Variants in DTNA observed in about 807,000 individuals in gnomAD.
DTNA encodes dystrobrevin alpha.
Under a neutral mutation model 100.7 loss-of-function variants are expected in DTNA, and 43 were observed. The ratio of observed to expected loss-of-function variants is 0.43; its 90% CI spans 0.33 to 0.55. The LOEUF is 0.55. Ranked by LOEUF, DTNA falls within the 20% of genes least tolerant of loss-of-function variation. DTNA has a pLI of 0.04. For synonymous variants in DTNA, 349 were observed against 347.9 expected (o/e 1.00, Z -0.04); for missense variants, 798 against 953.9 (o/e 0.84, Z 2.15).
chr18:34,862,292 C>G (rs2096639647), intron 16 of DTNA, among the ~76,000 whole-genome samples: 1 of 151,754 alleles, frequency 6.6e-6, no homozygotes, highest in African/African-American at 2.4e-5. Context: ...GTTTCTCATC[C>G]TCTGGATTCA....
At chr18:34,570,816 T>A (rs1207453236) in intron 1 of DTNA, among the ~76,000 whole-genome samples, 1 of 152,142 alleles carries the variant, frequency 6.6e-6, no homozygotes, top group Non-Finnish European at 1.5e-5. Flanking sequence ...AAATTTTGGG[T>A]ACCTCTATGT....
chr18:34,690,252 T>C (rs561543297), intron 1 of DTNA, among the ~76,000 whole-genome samples: 81 of 152,326 alleles, frequency 5.3e-4, no homozygotes, highest in African/African-American at 1.8e-3. Flanking sequence ...CATTTTGTGC[T>C]TGAAACCCAG....
In DTNA at chr18:34,594,249, G is replaced by A. The variant is rs927984750; in HGVS notation, c.-2+100735G>A. Among the ~76,000 whole-genome samples the A allele has an allele frequency of 1.2e-4, 18 of 152,086 alleles. 1 individual carries two copies. Among genetic ancestry groups the A allele is most frequent in the Middle Eastern group, 6.9e-3 (2 of 288 alleles). On this transcript the variant is annotated intron_variant, in intron 1 of 19. Coordinates refer to the DTNA transcript ENST00000283365. ...AGAGTTGTCTGATTTTGCTATTGTC[G>A]CACTGTTTTAGGACTTCAAACTTCT...
chr18:34,614,190 A>G lies in DTNA; in HGVS notation c.-2+120676A>G, dbSNP rs970913416. On this transcript the variant is annotated intron_variant, in intron 1 of 19. Coordinates refer to the DTNA transcript ENST00000283365. ...CATGGTTTCCTGAATTTTTAAAAAT[A>G]TTTTAAGCCCACTATTGAGACTTAC... Among the ~76,000 whole-genome samples, 6 of 152,306 alleles carry G rather than the reference A, an allele frequency of 3.9e-5. No homozygotes were observed. In the South Asian group the frequency reaches 1.0e-3, roughly 26 times the overall value.
chr18:34,793,950 G>GA, intron 3 of DTNA, 87 bp from the exon 4 acceptor site: 4 of 1,419,484 alleles, frequency 2.8e-6, no homozygotes, highest in Non-Finnish European at 3.9e-6. Flanking sequence ...GAGATACCTA[G>GA]AAAAAAACAG....
intron 1 of DTNA, among the ~76,000 whole-genome samples, chr18:34,535,924 A>G (rs1393368373): frequency 6.6e-6 from 1 of 152,050 alleles, no homozygotes; most frequent in African/African-American, 2.4e-5. Flanking sequence ...TTTAGAGAGT[A>G]AAACTGTCTT....
At chr18:34,793,379 C>G (rs968346168) in intron 3 of DTNA, among the ~76,000 whole-genome samples, 1 of 152,162 alleles carries the variant, frequency 6.6e-6, no homozygotes, top group African/African-American at 2.4e-5. Context: ...AATAATGTAG[C>G]CAAGAAACTT....
At chr18:34,555,577 C>T (rs1222683385) in intron 1 of DTNA, among the ~76,000 whole-genome samples, 3 of 152,016 alleles carry the variant, frequency 2.0e-5, no homozygotes, top group African/African-American at 7.3e-5. Context: ...TGTGTTGTGT[C>T]TTTGTTCTCG....
intron 10 of DTNA, chr18:34,829,013 T>C (rs375253526): frequency 4.3e-6 from 7 of 1,613,918 alleles, no homozygotes; most frequent in South Asian, 1.1e-5. Flanking sequence ...ACCCCATCCT[T>C]ACTGAAGGTC....
intron 1 of DTNA, among the ~76,000 whole-genome samples, chr18:34,631,164 G>A (rs747724782): frequency 5.9e-5 from 9 of 152,264 alleles, no homozygotes; most frequent in Admixed American, 2.0e-4. Context: ...TAAAGCACAC[G>A]TAGCGCTTGG....
chr18:34,877,438 A>G (rs1199391044), intron 18 of DTNA, among the ~76,000 whole-genome samples: 1 of 152,200 alleles, frequency 6.6e-6, no homozygotes, highest in African/African-American at 2.4e-5. Flanking sequence ...AGCCTTATTC[A>G]TACTGCTCTC....
At chr18:34,782,060 A>G (rs886450862) in intron 3 of DTNA, among the ~76,000 whole-genome samples, 1 of 152,248 alleles carries the variant, frequency 6.6e-6, no homozygotes, top group African/African-American at 2.4e-5. Context: ...ACTATGCCCA[A>G]TAAAGCCTTG....
rs778245516 is a variant in DTNA, at chr18:34,825,160, G to T, written c.1002-2433G>T. ...ATTAGTCCTTAAATAGAAATGAGCA[G>T]GTGGTGACATTTTGGTATTTTGACA... On this transcript the variant is annotated intron_variant, in intron 9 of 22. Transcript: ENST00000444659. 3 of 1,430,520 alleles carry T rather than the reference G, an allele frequency of 2.1e-6. No individual in the cohort carries two copies. In the African/African-American group the frequency reaches 4.2e-5, roughly 20 times the overall value. The allele number at this position is 1,430,520 out of a possible 1,614,324, so 88.6% of individuals were successfully genotyped here.
At chr18:34,655,799 T>G (rs2074286132) in intron 1 of DTNA, among the ~76,000 whole-genome samples, 1 of 152,194 alleles carries the variant, frequency 6.6e-6, no homozygotes, top group Non-Finnish European at 1.5e-5. Flanking sequence ...TTTGTTAGAG[T>G]GTGAATGGGC....
In DTNA at chr18:34,751,794, T is replaced by A. The variant is rs560742836; in HGVS notation, c.-1-4182T>A. Among the ~76,000 whole-genome samples, 54 of 152,358 alleles carry A rather than the reference T, an allele frequency of 3.5e-4. 1 individual carries two copies. In the South Asian group the frequency reaches 9.3e-3, roughly 26 times the overall value. ...GGTACATATTACTCCAAATTTTAAT[T>A]ATTTGTTAGAAAAATTTGTTTCCCC... is the stretch of plus-strand genomic sequence containing the variant. On this transcript the variant is annotated intron_variant, in intron 1 of 22. Coordinates refer to ENST00000444659, the MANE Select transcript of DTNA (RefSeq NM_001386795.1).
intron 16 of DTNA, among the ~76,000 whole-genome samples, chr18:34,860,220 G>GTTTTTTTTT (rs55673388): frequency 1.9e-4 from 15 of 80,280 alleles, no homozygotes; most frequent in Non-Finnish European, 2.7e-4. Context: ...CTAATTTTTT[G>GTTTTTTTTT]TTTTTTTTTT....
At chr18:34,848,209 G>T (rs1048923859) in intron 13 of DTNA, 87 bp from the exon 14 acceptor site, 1 of 1,309,422 alleles carries the variant, frequency 7.6e-7, no homozygotes, top group African/African-American at 1.4e-5. Context: ...CCAAAACATT[G>T]AAATAGTAAA....
At chr18:34,526,889 A>G (rs1048466064) in intron 1 of DTNA, among the ~76,000 whole-genome samples, 2 of 152,076 alleles carry the variant, frequency 1.3e-5, no homozygotes, top group Non-Finnish European at 2.9e-5. Context: ...TTGCAAGTGT[A>G]TTTGGTTTTC....
chr18:34,876,034 G>A (rs1441355705), intron 18 of DTNA, among the ~76,000 whole-genome samples: 1 of 152,140 alleles, frequency 6.6e-6, no homozygotes, highest in Non-Finnish European at 1.5e-5. Context: ...TAAATTTATA[G>A]AGAATAATAA....
Sources: gnomAD v4.1 joint callset for allele counts (sites outside exome capture counted in the v4.1 genomes callset) on GRCh38, gnomAD v4.1.1 for gene constraint, MANE v1.5 for transcripts, NCBI Gene and HGNC (gene_info 2026-07-23, HGNC 2026-07-21) for gene names.